The following NFATC1 variants were observed in gnomAD, a reference collection of about 807,000 sequenced individuals.
NFATC1 encodes nuclear factor of activated T cells 1, also known as nuclear factor of activated T-cells, cytoplasmic 1.
A neutral mutation model predicts 76.0 loss-of-function variants in NFATC1; 22 were observed. The observed-to-expected ratio is 0.29, with a 90% CI of 0.21 to 0.41. The LOEUF (loss-of-function observed/expected upper bound fraction) is 0.41, where lower values mean the gene tolerates loss of function less well. NFATC1 is among the 10% of genes least tolerant of loss of function. The pLI is 1.00. For synonymous variants in NFATC1, 704 were observed against 613.1 expected (o/e 1.15, Z -2.19); for missense variants, 1,357 against 1,337.7 (o/e 1.01, Z -0.23).
chr18:79,416,869 A>G (rs2085894753), intron 2 of NFATC1, among the ~76,000 whole-genome samples: 1 of 152,140 alleles, frequency 6.6e-6, no homozygotes, highest in African/African-American at 2.4e-5. Context: ...CTGGAGCTAG[A>G]CAAGCCTCAG....
intron 9 of NFATC1, among the ~76,000 whole-genome samples, chr18:79,511,415 A>T (rs2090250271): frequency 6.6e-6 from 1 of 152,098 alleles, no homozygotes; most frequent in Non-Finnish European, 1.5e-5. Flanking sequence ...CTTTGCAAAC[A>T]GCAGGTTCTG....
chr18:79,416,143 T>G (rs1451100014), intron 2 of NFATC1, among the ~76,000 whole-genome samples: 2 of 152,364 alleles, frequency 1.3e-5, no homozygotes, highest in East Asian at 3.9e-4. Flanking sequence ...ATCGGTCACT[T>G]TTCTGCTATG....
chr18:79,480,504 C>T (rs1188498812), intron 8 of NFATC1, among the ~76,000 whole-genome samples: 5 of 152,168 alleles, frequency 3.3e-5, no homozygotes, highest in South Asian at 2.1e-4. Context: ...GGAGGTGGGT[C>T]GCGTGTCCCA....
At chr18:79,427,077 G>A (rs1300139117) in intron 2 of NFATC1, among the ~76,000 whole-genome samples, 2 of 152,322 alleles carry the variant, frequency 1.3e-5, no homozygotes, top group South Asian at 2.1e-4. Context: ...TGTGGCCATT[G>A]AGGAGGGAGC....
chr18:79,466,608 A>AT (rs1219386696), intron 7 of NFATC1, among the ~76,000 whole-genome samples: 1 of 152,204 alleles, frequency 6.6e-6, no homozygotes, highest in Non-Finnish European at 1.5e-5. Context: ...TGGCTGTTAC[A>AT]TTAAAAACAT....
At chr18:79,473,759 T>G (rs1340078432) in intron 8 of NFATC1, among the ~76,000 whole-genome samples, 1 of 137,234 alleles carries the variant, frequency 7.3e-6, no homozygotes, top group African/African-American at 2.9e-5. Context: ...GTGAGGGAAG[T>G]GTATTCTCAC....
At chr18:79,478,102 C>T (rs1431955004) in intron 8 of NFATC1, among the ~76,000 whole-genome samples, 5 of 132,562 alleles carry the variant, frequency 3.8e-5, no homozygotes, top group East Asian at 2.2e-4. Flanking sequence ...CCCAGGCCCC[C>T]GTTCTTGCCC....
intron 6 of NFATC1, 99 bp from the exon 7 acceptor site, chr18:79,461,212 T>C (rs2088058563): frequency 1.4e-6 from 2 of 1,435,280 alleles, no homozygotes; most frequent in Non-Finnish European, 1.9e-6. Flanking sequence ...CAAGGCGCCC[T>C]CCTGGCTCAG....
chr18:79,479,260 T>G (rs1326517999), intron 8 of NFATC1, among the ~76,000 whole-genome samples: 1 of 152,196 alleles, frequency 6.6e-6, no homozygotes, highest in South Asian at 2.1e-4. Context: ...ATGGCTGATA[T>G]CAGGAGGTAG....
chr18:79,399,369 C>G (rs1183939853), intron 1 of NFATC1, among the ~76,000 whole-genome samples: 1 of 152,220 alleles, frequency 6.6e-6, no homozygotes, highest in Non-Finnish European at 1.5e-5. Context: ...CCAGAGGGAG[C>G]GCTCCGAGGA....
intron 3 of NFATC1, among the ~76,000 whole-genome samples, chr18:79,440,655 C>T (rs76617579): frequency 0.098 from 14,876 of 152,274 alleles, 975 homozygotes; most frequent in Non-Finnish European, 0.14. Context: ...TGGGTTCTCC[C>T]GGGAAGGAGC....
intron 8 of NFATC1, among the ~76,000 whole-genome samples, chr18:79,484,767 T>C (rs1426913422): frequency 4.6e-5 from 7 of 152,168 alleles, no homozygotes; most frequent in Non-Finnish European, 1.0e-4. Flanking sequence ...TCAGTCCCTG[T>C]GATGCCTCCA....
At chr18:79,446,553 C>T (rs1600735073) in intron 3 of NFATC1, among the ~76,000 whole-genome samples, 1 of 152,164 alleles carries the variant, frequency 6.6e-6, no homozygotes, top group Non-Finnish European at 1.5e-5. Flanking sequence ...ATGTTTGAGT[C>T]CCACAGAGAG....
chr18:79,426,249 T>C (rs74914063), intron 2 of NFATC1, among the ~76,000 whole-genome samples: 1 of 148,860 alleles, frequency 6.7e-6, no homozygotes. Context: ...TTTTTTTTTT[T>C]CCTCCCCCTC....
chr18:79,514,853 C>G (rs2090340419), intron 9 of NFATC1, among the ~76,000 whole-genome samples: 1 of 151,498 alleles, frequency 6.6e-6, no homozygotes, highest in African/African-American at 2.4e-5. Flanking sequence ...GGAGACCAGC[C>G]TGGGCAACAT....
At chr18:79,441,090 A>G (rs897029185) in intron 3 of NFATC1, among the ~76,000 whole-genome samples, 2 of 152,236 alleles carry the variant, frequency 1.3e-5, no homozygotes, top group Non-Finnish European at 2.9e-5. Context: ...CGGAGCCGAG[A>G]CGCACCATCA....
At chr18:79,452,813 GC>G (rs1357087673) in intron 6 of NFATC1, among the ~76,000 whole-genome samples, 1 of 152,202 alleles carries the variant, frequency 6.6e-6, no homozygotes, top group Admixed American at 6.5e-5. Context: ...TGAGGGGCAT[GC>G]CCCCACAAGG....
At chr18:79,494,171 C>A (rs972835771) in intron 9 of NFATC1, among the ~76,000 whole-genome samples, 2 of 152,220 alleles carry the variant, frequency 1.3e-5, no homozygotes, top group Non-Finnish European at 1.5e-5. Flanking sequence ...TCTCAGCCAG[C>A]GACCGCGAGG....
chr18:79,527,075 G>A (rs75843449), intron 9 of NFATC1: 6,802 of 158,116 alleles, frequency 0.043, 240 homozygotes, highest in Admixed American at 0.074. Context: ...GACGGGGAAC[G>A]TCACTGGCCT....
Sources: gnomAD v4.1 joint callset for allele counts (sites outside exome capture counted in the v4.1 genomes callset) on GRCh38, gnomAD v4.1.1 for gene constraint, MANE v1.5 for transcripts, NCBI Gene and HGNC (gene_info 2026-07-23, HGNC 2026-07-21) for gene names.